The following CREB3L2 variants were observed in gnomAD, a reference collection of about 807,000 sequenced individuals.
CREB3L2 encodes cyclic AMP-responsive element-binding protein 3-like protein 2.
A neutral mutation model predicts 57.2 loss-of-function variants in CREB3L2; 23 were observed. The ratio of observed to expected loss-of-function variants is 0.40; its 90% CI spans 0.29 to 0.57. The LOEUF is 0.57. CREB3L2 is among the 20% of genes least tolerant of loss of function. The pLI is 0.42. For missense variants in CREB3L2, 628 were observed against 634.7 expected, an observed-to-expected ratio of 0.99 and a Z score of 0.11; for synonymous variants, 268 against 265.1, an observed-to-expected ratio of 1.01 and a Z score of -0.11.
At chr7:137,979,728 AAACAACAAC>A (rs139819092) in intron 1 of CREB3L2, among the ~76,000 whole-genome samples, 23,760 of 150,404 alleles carry the variant, frequency 0.16, 2,472 homozygotes, top group African/African-American at 0.3. Flanking sequence ...TCCGTCTCAA[AAACAACAAC>A]AACAACAACA....
intron 1 of CREB3L2, among the ~76,000 whole-genome samples, chr7:137,932,695 G>A (rs897957902): frequency 8.5e-5 from 13 of 152,196 alleles, no homozygotes; most frequent in South Asian, 2.1e-4. Flanking sequence ...CCACTTTACA[G>A]TTAAGTCCCT....
chr7:137,966,605 G>A (rs188859641), intron 1 of CREB3L2, among the ~76,000 whole-genome samples: 1 of 152,160 alleles, frequency 6.6e-6, no homozygotes, highest in Admixed American at 6.5e-5. Context: ...ACAAAGAACA[G>A]GAAATAACAT....
intron 5 of CREB3L2, 123 bp from the exon 6 acceptor site, chr7:137,905,971 GC>G: frequency 1.1e-6 from 1 of 943,044 alleles, no homozygotes. Context: ...AGACAAGGAT[GC>G]CCCATCTGCT....
At chr7:137,967,508 C>T (rs1801428075) in intron 1 of CREB3L2, among the ~76,000 whole-genome samples, 1 of 152,192 alleles carries the variant, frequency 6.6e-6, no homozygotes, top group South Asian at 2.1e-4. Context: ...AGCCCTCCTC[C>T]CACAGTCACT....
At chr7:137,882,908 T>TCC (rs34492803) in intron 10 of CREB3L2, among the ~76,000 whole-genome samples, 2,932 of 151,242 alleles carry the variant, frequency 0.019, 99 homozygotes, top group African/African-American at 0.067. Context: ...AATATAAAAC[T>TCC]CCCCCCTTAC....
At chr7:137,969,791 C>CACACATACATAT (rs141056660) in intron 1 of CREB3L2, among the ~76,000 whole-genome samples, 1 of 148,564 alleles carries the variant, frequency 6.7e-6, no homozygotes, top group Non-Finnish European at 1.5e-5. Context: ...CACACACACA[C>CACACATACATAT]ACAACATACA....
chr7:137,957,233 C>G (rs1801234037), intron 1 of CREB3L2, among the ~76,000 whole-genome samples: 1 of 151,510 alleles, frequency 6.6e-6, no homozygotes, highest in South Asian at 2.1e-4. Flanking sequence ...TAGCCTTTTT[C>G]CACTCACCCA....
chr7:137,909,941 TCA>T (rs1799972169), intron 4 of CREB3L2, among the ~76,000 whole-genome samples: 1 of 152,220 alleles, frequency 6.6e-6, no homozygotes. Flanking sequence ...TGCTTGGTTC[TCA>T]TTTTCTCTAT....
At chr7:137,973,153 A>T (rs1005591206) in intron 1 of CREB3L2, among the ~76,000 whole-genome samples, 1 of 147,368 alleles carries the variant, frequency 6.8e-6, no homozygotes, top group Non-Finnish European at 1.5e-5. Flanking sequence ...ATGTACCCTA[A>T]AACTTAAAGT....
chr7:137,877,027 G>A lies in CREB3L2; in HGVS notation c.*3449C>T, dbSNP rs1169008686. 2 of 230,320 alleles carry A rather than the reference G, an allele frequency of 8.7e-6. No homozygotes were observed. Among genetic ancestry groups the A allele is most frequent in the African/African-American group, 4.4e-5 (2 of 45,210 alleles). The allele number at this position is 230,320 out of a possible 1,614,324, so 14.3% of individuals were successfully genotyped here. A position where few individuals can be genotyped will look rare whatever the true frequency, so the allele number is the denominator to read the frequency against. ...TTTTGCTGGGTCTGAGGACATGGGA[G>A]GGAGGAGCCATAAAATGCTGGAGAA... On this transcript the variant is annotated 3_prime_UTR_variant, in exon 12 of 12. Coordinates refer to ENST00000330387, the MANE Select transcript of CREB3L2 (RefSeq NM_194071.4).
chr7:137,965,655 A>G (rs1010426159), intron 1 of CREB3L2, among the ~76,000 whole-genome samples: 5 of 152,194 alleles, frequency 3.3e-5, no homozygotes, highest in Admixed American at 3.3e-4. Flanking sequence ...AAGGACATAG[A>G]AAGCCCTAGG....
Position 137,879,336 on chromosome 7 carries a change from G to A in CREB3L2, c.*1140C>T. On this transcript the variant is annotated 3_prime_UTR_variant, in exon 12 of 12. Transcript: ENST00000330387. Reference sequence around the variant, plus strand: ...AGGGGACGAGGAGGACAAAGTGGAAGTGTGGAGGGAGGAGGGGGCCAGGCA... The same window carrying A: ...AGGGGACGAGGAGGACAAAGTGGAAATGTGGAGGGAGGAGGGGGCCAGGCA... The A allele has an allele frequency of 1.9e-6, 1 of 514,998 alleles. No individual in the cohort carries two copies. The highest frequency in any genetic ancestry group is 3.7e-6 in the Non-Finnish European group (1 of 267,754). 31.9% of individuals were successfully genotyped at this position (514,998 alleles called of 1,614,324 possible).
chr7:137,950,424 G>T (rs1465419177), intron 1 of CREB3L2, among the ~76,000 whole-genome samples: 2 of 152,204 alleles, frequency 1.3e-5, no homozygotes, highest in East Asian at 3.9e-4. Context: ...CCACATCAAA[G>T]AAGCTCACAA....
chr7:137,885,394 G>A lies in CREB3L2; in HGVS notation c.1143+9C>T, dbSNP rs751234439. 9.9e-6 allele frequency: 16 copies of A among 1,611,922 alleles called. 1 individual carries two copies. The South Asian group carries it at 1.5e-4, about 15-fold the overall frequency. On this transcript the variant is annotated intron_variant, in intron 9 of 11. Transcript: ENST00000330387. ...GGCGGTCACTGTGCTACCCTGCTGG[G>A]AAGCTCACCATGAGGCAGGTGCCAG... is the stretch of plus-strand genomic sequence containing the variant.
intron 1 of CREB3L2, among the ~76,000 whole-genome samples, chr7:137,992,015 C>T (rs921493177): frequency 6.6e-6 from 1 of 151,820 alleles, no homozygotes; most frequent in Non-Finnish European, 1.5e-5. Flanking sequence ...TCAGAATAAC[C>T]CATCTCAATT....
chr7:137,993,875 T>C (rs1252569917), intron 1 of CREB3L2, among the ~76,000 whole-genome samples: 1 of 152,178 alleles, frequency 6.6e-6, no homozygotes, highest in African/African-American at 2.4e-5. Flanking sequence ...GCTGAGCAAA[T>C]CTCTACTGCT....
chr7:137,997,180 T>C (rs953464127), intron 1 of CREB3L2, among the ~76,000 whole-genome samples: 1 of 152,146 alleles, frequency 6.6e-6, no homozygotes, highest in African/African-American at 2.4e-5. Flanking sequence ...GGTTGAAAAT[T>C]ACCTCTAGTC....
intron 1 of CREB3L2, among the ~76,000 whole-genome samples, chr7:137,946,449 G>A (rs1393729510): frequency 1.3e-5 from 2 of 149,844 alleles, no homozygotes; most frequent in African/African-American, 4.9e-5. Flanking sequence ...AAACAACCCT[G>A]AATTCTGTCT....
At chr7:137,905,232 G>GA (rs1041474293) in intron 6 of CREB3L2, among the ~76,000 whole-genome samples, 21 of 134,878 alleles carry the variant, frequency 1.6e-4, no homozygotes, top group South Asian at 2.3e-4. Flanking sequence ...ACCCTACCAA[G>GA]AAAAAAAAAA....
Sources: gnomAD v4.1 joint callset for allele counts (sites outside exome capture counted in the v4.1 genomes callset) on GRCh38, gnomAD v4.1.1 for gene constraint, MANE v1.5 for transcripts, NCBI Gene and HGNC (gene_info 2026-07-23, HGNC 2026-07-21) for gene names.